Variants in TNFAIP8 observed in about 807,000 individuals in gnomAD.
The protein encoded by TNFAIP8 is TNF alpha induced protein 8, also known as tumor necrosis factor alpha-induced protein 8.
Under a neutral mutation model 13.3 loss-of-function variants are expected in TNFAIP8, and 7 were observed. The ratio of observed to expected loss-of-function variants is 0.52; its 90% CI spans 0.30 to 0.99. TNFAIP8 has a LOEUF of 0.99. Ranked by LOEUF, TNFAIP8 falls within the 50% of genes least tolerant of loss-of-function variation. The probability of loss-of-function intolerance (pLI) is 0.07; values close to 1 mark genes in which losing one functional copy is unlikely to be tolerated. For synonymous variants in TNFAIP8, 94 were observed against 87.6 expected, an observed-to-expected ratio of 1.07 and a Z score of -0.41; for missense variants, 258 against 236.9, an observed-to-expected ratio of 1.09 and a Z score of -0.58.
intron 1 of TNFAIP8, among the ~76,000 whole-genome samples, chr5:119,282,643 A>G (rs1187278822): frequency 6.6e-6 from 1 of 152,078 alleles, no homozygotes; most frequent in Non-Finnish European, 1.5e-5. Flanking sequence ...TTCTTTGTCT[A>G]CACCCTGATC....
chr5:119,333,991 C>T (rs1562005023), intron 1 of TNFAIP8, among the ~76,000 whole-genome samples: 1 of 152,086 alleles, frequency 6.6e-6, no homozygotes, highest in African/African-American at 2.4e-5. Context: ...ATTTTCCATG[C>T]GTTTATTAAC....
intron 1 of TNFAIP8, among the ~76,000 whole-genome samples, chr5:119,338,017 C>T (rs1750609563): frequency 6.6e-6 from 1 of 152,198 alleles, no homozygotes; most frequent in South Asian, 2.1e-4. Context: ...ATTTGCCCCT[C>T]TCCTGCTAAC....
At chr5:119,275,639 C>T (rs1748419028) in intron 1 of TNFAIP8, among the ~76,000 whole-genome samples, 2 of 152,012 alleles carry the variant, frequency 1.3e-5, no homozygotes, top group African/African-American at 4.8e-5. Context: ...TTCTTTGAAG[C>T]CATGTTCTGT....
At chr5:119,298,467 G>A (rs1384207293) in intron 1 of TNFAIP8, among the ~76,000 whole-genome samples, 5 of 151,610 alleles carry the variant, frequency 3.3e-5, no homozygotes, top group East Asian at 1.9e-4. Flanking sequence ...AGTTTCTGCC[G>A]AGAGATCAGC....
intron 1 of TNFAIP8, among the ~76,000 whole-genome samples, chr5:119,304,058 G>T (rs1026117729): frequency 1.3e-5 from 2 of 151,928 alleles, no homozygotes; most frequent in African/African-American, 4.8e-5. Context: ...ATCGGATCCT[G>T]TCATTCCCCA....
chr5:119,335,832 T>A, intron 1 of TNFAIP8, among the ~76,000 whole-genome samples: 1 of 151,150 alleles, frequency 6.6e-6, no homozygotes, highest in Non-Finnish European at 1.5e-5. Flanking sequence ...GAGTGCTAAG[T>A]AGAAAAAGAT....
chr5:119,349,327 G>A (rs945993602), intron 1 of TNFAIP8, among the ~76,000 whole-genome samples: 6 of 152,198 alleles, frequency 3.9e-5, no homozygotes, highest in Non-Finnish European at 7.3e-5. Flanking sequence ...ATGATTTTCA[G>A]TGTTCCATCA....
chr5:119,341,981 C>G (rs1750753265), intron 1 of TNFAIP8, among the ~76,000 whole-genome samples: 1 of 143,240 alleles, frequency 7.0e-6, no homozygotes, highest in Non-Finnish European at 1.5e-5. Context: ...CTTCTCCCTA[C>G]CCTTGTAACA....
Position 119,350,427 on chromosome 5 carries a change from G to C in TNFAIP8, c.2-42389G>C, listed in dbSNP as rs531565971. On this transcript the variant is annotated intron_variant, in intron 1 of 1. Coordinates refer to the TNFAIP8 transcript ENST00000274456. ...CATCTTCGGATTTTGGTATCCTCAA[G>C]GGTCTTGGAACCAATCTCCCACAGA... 2.0e-5 allele frequency among the ~76,000 whole-genome samples: 3 copies of C among 152,266 alleles called. No homozygotes were observed. In the East Asian group the frequency reaches 5.8e-4, roughly 29 times the overall value.
At chr5:119,298,089 G>A (rs1749236995) in intron 1 of TNFAIP8, among the ~76,000 whole-genome samples, 1 of 152,208 alleles carries the variant, frequency 6.6e-6, no homozygotes, top group Non-Finnish European at 1.5e-5. Context: ...TTTAATTGGA[G>A]CATTTAGTCC....
intron 1 of TNFAIP8, among the ~76,000 whole-genome samples, chr5:119,381,068 T>C (rs939397693): frequency 2.0e-5 from 3 of 152,172 alleles, no homozygotes; most frequent in Non-Finnish European, 2.9e-5. Context: ...CAGAATCAGG[T>C]AGGGTGCTTC....
chr5:119,309,430 G>C (rs1229910819), intron 1 of TNFAIP8, among the ~76,000 whole-genome samples: 1 of 152,102 alleles, frequency 6.6e-6, no homozygotes, highest in East Asian at 1.9e-4. Flanking sequence ...ATGAAAGCTT[G>C]AGGGTGGTGA....
At chr5:119,294,867 T>C (rs960314830) in intron 1 of TNFAIP8, among the ~76,000 whole-genome samples, 63 of 152,088 alleles carry the variant, frequency 4.1e-4, no homozygotes, top group African/African-American at 1.5e-3. Flanking sequence ...TCATGTCCTT[T>C]GCCCACTTTT....
chr5:119,370,033 G>T (rs191342134), intron 1 of TNFAIP8, among the ~76,000 whole-genome samples: 1 of 152,218 alleles, frequency 6.6e-6, no homozygotes, highest in East Asian at 1.9e-4. Context: ...GTCACATCTT[G>T]TGGCAGCAAT....
Position 119,393,313 on chromosome 5 carries a change from A to C in TNFAIP8, c.529A>C (p.Asn177His). Residue 177 changes from asparagine (N) to histidine (H), a missense_variant, in exon 2 of 2, where the codon AAT becomes CAT. Coordinates refer to ENST00000504771, the MANE Select transcript of TNFAIP8 (RefSeq NM_014350.4). ...FLAALYNPFG[N>H]FKPHLQKLCD... is the part of the protein sequence containing the mutation. ...GGCTGCCTTGTATAATCCTTTTGGG[A>C]ATTTTAAACCCCACTTACAAAAACT... is the stretch of plus-strand genomic sequence containing the variant. The C allele has an allele frequency of 6.2e-7, 1 of 1,613,936 alleles. No homozygotes were observed. The highest frequency in any genetic ancestry group is 8.5e-7 in the Non-Finnish European group (1 of 1,179,856).
At chr5:119,312,541 A>G (rs1322826175) in intron 1 of TNFAIP8, among the ~76,000 whole-genome samples, 1 of 152,110 alleles carries the variant, frequency 6.6e-6, no homozygotes, top group Admixed American at 6.5e-5. Context: ...ACCGGGACTC[A>G]AATGACACCG....
chr5:119,383,852 G>A (rs927273374), intron 1 of TNFAIP8, among the ~76,000 whole-genome samples: 5 of 152,154 alleles, frequency 3.3e-5, no homozygotes, highest in African/African-American at 4.8e-5. Flanking sequence ...AACTGCTCAA[G>A]TTCTTCCCTG....
At chr5:119,282,664 T>A (rs1748667441) in intron 1 of TNFAIP8, among the ~76,000 whole-genome samples, 2 of 152,256 alleles carry the variant, frequency 1.3e-5, no homozygotes, top group African/African-American at 2.4e-5. Flanking sequence ...TGTTCCTTCC[T>A]GGGTTTCACA....
At chr5:119,377,894 T>TGTTCTGTAAGGCAGA (rs1233122917) in intron 1 of TNFAIP8, among the ~76,000 whole-genome samples, 4 of 152,180 alleles carry the variant, frequency 2.6e-5, no homozygotes, top group Admixed American at 2.6e-4. Context: ...AGTGATTACC[T>TGTTCTGTAAGGCAGA]ACGCAAATGC....
Sources: gnomAD v4.1 joint callset for allele counts (sites outside exome capture counted in the v4.1 genomes callset) on GRCh38, gnomAD v4.1.1 for gene constraint, MANE v1.5 for transcripts, NCBI Gene and HGNC (gene_info 2026-07-23, HGNC 2026-07-21) for gene names.